Variants in ZDHHC6 observed in about 807,000 individuals in gnomAD.
ZDHHC6 encodes palmitoyltransferase ZDHHC6.
A neutral mutation model predicts 57.8 loss-of-function variants in ZDHHC6; 32 were observed. The observed-to-expected ratio is 0.55, with a 90% CI of 0.42 to 0.74. ZDHHC6 has a LOEUF of 0.74. Ranked by LOEUF, ZDHHC6 falls within the 30% of genes least tolerant of loss-of-function variation. The probability of loss-of-function intolerance (pLI) is 0.00; values close to 1 mark genes in which losing one functional copy is unlikely to be tolerated. For synonymous variants in ZDHHC6, 128 were observed against 158.0 expected (o/e 0.81, Z 1.42); for missense variants, 433 against 500.7 (o/e 0.86, Z 1.29).
Position 112,445,331 on chromosome 10 carries a change from T to A in ZDHHC6, c.106A>T (p.Thr36Ser). The change falls in exon 2 of 11, where the codon ACC becomes TCC. Residue 36 changes from threonine to serine, a missense_variant. Physicochemically the swap from Thr to Ser is moderately conservative, Grantham distance 58 (BLOSUM62 1). Coordinates refer to ENST00000369405, the MANE Select transcript of ZDHHC6 (RefSeq NM_022494.3). ...IALGVIAICSTMAMIDSVLWY... is the reference protein window; with the variant it reads ...IALGVIAICSSMAMIDSVLWY... Reference sequence around the variant, plus strand: ...AACACAGAGTCAATCATGGCCATGGTAGAACATATTGCTATAACACCAAGG... The same window carrying A: ...AACACAGAGTCAATCATGGCCATGGAAGAACATATTGCTATAACACCAAGG... The A allele has an allele frequency of 6.2e-7, 1 of 1,614,192 alleles. No homozygotes were observed. The highest frequency in any genetic ancestry group is 8.5e-7 in the Non-Finnish European group (1 of 1,180,038).
downstream of ZDHHC6, among the ~76,000 whole-genome samples, chr10:112,429,480 G>A (rs761897032): frequency 6.6e-6 from 1 of 152,106 alleles, no homozygotes; most frequent in African/African-American, 2.4e-5. Flanking sequence ...TATTTTACCT[G>A]TCTGTTCACT....
At chr10:112,438,830 A>G (rs886879674) in intron 5 of ZDHHC6, among the ~76,000 whole-genome samples, 1 of 152,138 alleles carries the variant, frequency 6.6e-6, no homozygotes, top group Non-Finnish European at 1.5e-5. Context: ...CAACCTCAAT[A>G]TTTCACTTGC....
chr10:112,433,423 G>C (rs1845221169), intron 7 of ZDHHC6, 142 bp from the exon 8 acceptor site: 2 of 617,576 alleles, frequency 3.2e-6, no homozygotes, highest in East Asian at 6.1e-5. Context: ...AAAGGCCACA[G>C]GTTGTTTTAG....
chr10:112,443,489 C>T (rs769713526), intron 3 of ZDHHC6, 26 bp downstream of exon 3: 4 of 1,600,936 alleles, frequency 2.5e-6, no homozygotes, highest in East Asian at 2.2e-5. Context: ...GATCAGTCCT[C>T]GCTGAACAGC....
chr10:112,439,628 T>TAAAAAAAAAAAAAACAAAAAAAAAAAAA (rs1845895889), intron 5 of ZDHHC6, among the ~76,000 whole-genome samples: 1 of 31,298 alleles, frequency 3.2e-5, no homozygotes, highest in Non-Finnish European at 4.9e-5. Flanking sequence ...AGACTCCGTC[T>TAAAAAAAAAAAAAACAAAAAAAAAAAAA]AAAAAAAAAA....
At position 112,433,169 on chromosome 10, in the gene ZDHHC6, T is replaced by TA. The variant is rs1845193867; in HGVS notation, c.945+70dup. 8.5e-6 allele frequency: 11 copies of TA among 1,292,180 alleles called. No individual in the cohort carries two copies. In the South Asian group the frequency reaches 1.5e-4, roughly 17 times the overall value. The allele number at this position is 1,292,180 out of a possible 1,614,324, so 80.0% of individuals were successfully genotyped here. A position where few individuals can be genotyped will look rare whatever the true frequency, so the allele number is the denominator to read the frequency against. On this transcript the variant is annotated intron_variant, in intron 8 of 10. Transcript: ENST00000369405. Reference sequence around the variant, plus strand: ...AACAATTGGTTTCTAGTCAGTCAATTAAAAAAACTGTATGGAAGTACAGAG... The same window carrying TA: ...AACAATTGGTTTCTAGTCAGTCAATTAAAAAAAACTGTATGGAAGTACAGAG...
At chr10:112,425,581 C>G (rs1297600722), downstream of ZDHHC6, 2 of 828,512 alleles carry the variant, frequency 2.4e-6, no homozygotes, top group Non-Finnish European at 3.3e-6. Context: ...TGAGAAGATC[C>G]AAGCTTATAA....
downstream of ZDHHC6, chr10:112,426,925 A>G (rs1024425162): frequency 3.8e-6 from 5 of 1,317,384 alleles, no homozygotes; most frequent in Admixed American, 1.7e-5. Context: ...TTTCCATCTA[A>G]TGAGGTTTAA....
chr10:112,435,542 A>G (rs1011493560), intron 6 of ZDHHC6, among the ~76,000 whole-genome samples: 3 of 152,220 alleles, frequency 2.0e-5, no homozygotes, highest in African/African-American at 7.2e-5. Flanking sequence ...TAGAAATGAT[A>G]CTTTGAAATA....
At chr10:112,435,371 G>A (rs182454655) in intron 6 of ZDHHC6, among the ~76,000 whole-genome samples, 7 of 152,094 alleles carry the variant, frequency 4.6e-5, no homozygotes, top group Admixed American at 6.5e-5. Context: ...TAAAGTGCCC[G>A]TTCTGAAATA....
downstream of ZDHHC6, chr10:112,426,600 GTTAACAC>G (rs1844729124): frequency 1.6e-6 from 1 of 628,892 alleles, no homozygotes; most frequent in Non-Finnish European, 2.8e-6. Flanking sequence ...AGAGAAAACT[GTTAACAC>G]TTAGATGTGC....
intron 2 of ZDHHC6, 62 bp downstream of exon 2, chr10:112,445,108 T>C: frequency 4.5e-6 from 7 of 1,544,044 alleles, no homozygotes; most frequent in Non-Finnish European, 6.1e-6. Flanking sequence ...GGTTAGTAGA[T>C]AAGGCAAAAA....
At chr10:112,431,949 AG>A (rs1845079782) in intron 10 of ZDHHC6, among the ~76,000 whole-genome samples, 4 of 152,188 alleles carry the variant, frequency 2.6e-5, no homozygotes, top group African/African-American at 9.6e-5. Context: ...TATAAATAAT[AG>A]TGCCTACCTC....
downstream of ZDHHC6, among the ~76,000 whole-genome samples, chr10:112,429,974 G>GA (rs968012414): frequency 6.6e-6 from 1 of 151,416 alleles, no homozygotes; most frequent in South Asian, 2.1e-4. Context: ...GTTGGGGGGG[G>GA]GGTGTGGGGG....
chr10:112,428,966 G>A (rs1279440923), downstream of ZDHHC6, among the ~76,000 whole-genome samples: 1 of 152,150 alleles, frequency 6.6e-6, no homozygotes, highest in Non-Finnish European at 1.5e-5. Flanking sequence ...TAGCTGTAAA[G>A]AATAAAACAA....
upstream of ZDHHC6, chr10:112,447,161 A>G (rs1846856914): frequency 3.8e-6 from 2 of 529,542 alleles, no homozygotes; most frequent in Non-Finnish European, 6.8e-6. Context: ...TTAAAGTCGG[A>G]GCGGAAAATA....
At chr10:112,442,047 A>C (rs1846167370) in intron 4 of ZDHHC6, 145 bp downstream of exon 4, 1 of 898,738 alleles carries the variant, frequency 1.1e-6, no homozygotes, top group Non-Finnish European at 1.6e-6. Context: ...TCTAAAAAGG[A>C]ACCCATATAC....
chr10:112,426,195 T>C, downstream of ZDHHC6: 1 of 1,293,768 alleles, frequency 7.7e-7, no homozygotes, highest in South Asian at 1.2e-5. Flanking sequence ...TTTATTTAAC[T>C]ACTGGGGGAC....
intron 6 of ZDHHC6, among the ~76,000 whole-genome samples, chr10:112,437,233 C>T (rs867949261): frequency 6.6e-6 from 1 of 151,804 alleles, no homozygotes; most frequent in Non-Finnish European, 1.5e-5. Flanking sequence ...TATTGATATA[C>T]GTGAATGCAA....
Sources: allele counts gnomAD v4.1 joint callset (sites outside exome capture counted in the v4.1 genomes callset), GRCh38; gene constraint gnomAD v4.1.1; transcripts MANE v1.5; gene names NCBI Gene and HGNC (gene_info 2026-07-23, HGNC 2026-07-21).